PARPBP: variants seen among roughly 807,000 people sequenced by gnomAD.
The protein encoded by PARPBP is PCNA-interacting partner.
A neutral mutation model predicts 50.0 loss-of-function variants in PARPBP; 52 were observed. The observed-to-expected ratio is 1.04, with a 90% CI of 0.83 to 1.31. The LOEUF is 1.31. Ranked by LOEUF, PARPBP falls within the 50% of genes most tolerant of loss-of-function variation. The probability of loss-of-function intolerance (pLI) is 0.00; values close to 1 mark genes in which losing one functional copy is unlikely to be tolerated. For synonymous variants in PARPBP, 244 were observed against 232.1 expected, an observed-to-expected ratio of 1.05 and a Z score of -0.47; for missense variants, 697 against 672.0, an observed-to-expected ratio of 1.04 and a Z score of -0.41.
In PARPBP at chr12:102,148,338, T is replaced by C. The variant is rs759270887; in HGVS notation, c.262T>C (p.Tyr88His). The C allele has an allele frequency of 2.5e-6, 4 of 1,591,208 alleles. No homozygotes were observed. The highest frequency in any genetic ancestry group is 3.4e-6 in the Non-Finnish European group (4 of 1,159,584). Reference sequence around the variant, plus strand: ...TGAAAACATGGACGTGACTGACCATTATGAGGACGTTAGGAAGATTTATGA... The same window carrying C: ...TGAAAACATGGACGTGACTGACCATCATGAGGACGTTAGGAAGATTTATGA... ...PVENMDVTDH[Y>H]EDVRKIYDDF... Residue 88 changes from tyrosine (Y) to histidine (H), a missense_variant, in exon 3 of 11, where the codon TAT becomes CAT. Physicochemically the swap from Tyr to His is moderately conservative, Grantham distance 83 (BLOSUM62 2). Transcript: ENST00000327680.
chr12:102,138,763 G>A (rs1431104649), intron 2 of PARPBP, among the ~76,000 whole-genome samples: 4 of 152,142 alleles, frequency 2.6e-5, no homozygotes, highest in Admixed American at 1.3e-4. Context: ...CCGATTTCTT[G>A]TTTTTGTCAG....
intron 9 of PARPBP, among the ~76,000 whole-genome samples, chr12:102,190,043 T>G (rs1890654009): frequency 6.6e-6 from 1 of 152,178 alleles, no homozygotes. Context: ...CTTGTGTTCC[T>G]AGGGTGATGT....
intron 6 of PARPBP, among the ~76,000 whole-genome samples, chr12:102,171,735 G>A (rs1047988958): frequency 6.6e-6 from 1 of 151,938 alleles, no homozygotes; most frequent in East Asian, 1.9e-4. Context: ...GTGTGGTGGT[G>A]GCGGGCGCCT....
At chr12:102,148,856 T>C (rs1885795911) in intron 3 of PARPBP, 1 of 161,918 alleles carries the variant, frequency 6.2e-6, no homozygotes, top group African/African-American at 2.4e-5. Context: ...TTCTATGGAT[T>C]AATAATGTTA....
At chr12:102,157,170 T>C in intron 4 of PARPBP, among the ~76,000 whole-genome samples, 1 of 151,618 alleles carries the variant, frequency 6.6e-6, no homozygotes, top group East Asian at 1.9e-4. Flanking sequence ...ATGTCTCTTG[T>C]AATACTCTTG....
intron 9 of PARPBP, among the ~76,000 whole-genome samples, chr12:102,193,289 C>A (rs186034768): frequency 1.2e-4 from 18 of 151,896 alleles, no homozygotes; most frequent in Non-Finnish European, 2.9e-5. Context: ...TTGTGCTAAA[C>A]ATGAGATTGA....
At chr12:102,162,993 T>G (rs182295011) in intron 4 of PARPBP, among the ~76,000 whole-genome samples, 1 of 152,344 alleles carries the variant, frequency 6.6e-6, no homozygotes, top group East Asian at 1.9e-4. Flanking sequence ...TGTTGTACAT[T>G]TATAGACTTA....
At chr12:102,154,352 G>A (rs1417563494) in intron 4 of PARPBP, among the ~76,000 whole-genome samples, 1 of 152,152 alleles carries the variant, frequency 6.6e-6, no homozygotes, top group Non-Finnish European at 1.5e-5. Flanking sequence ...CCTTGCAGTA[G>A]TACAGCTCAT....
At chr12:102,149,405 G>C (rs78038530) in intron 3 of PARPBP, among the ~76,000 whole-genome samples, 3 of 152,100 alleles carry the variant, frequency 2.0e-5, no homozygotes, top group African/African-American at 7.2e-5. Flanking sequence ...CATTCTGCTC[G>C]CCCATTTTAG....
At chr12:102,181,197 C>T (rs553202751) in intron 8 of PARPBP, among the ~76,000 whole-genome samples, 25 of 152,290 alleles carry the variant, frequency 1.6e-4, no homozygotes, top group Non-Finnish European at 2.8e-4. Flanking sequence ...AATAAGTCAA[C>T]TTTCTATTCT....
chr12:102,129,460 T>C (rs978461587), intron 2 of PARPBP, among the ~76,000 whole-genome samples: 1 of 152,220 alleles, frequency 6.6e-6, no homozygotes, highest in Non-Finnish European at 1.5e-5. Flanking sequence ...TAGTTTGATA[T>C]AATCCCATTC....
intron 4 of PARPBP, among the ~76,000 whole-genome samples, chr12:102,157,501 G>A (rs1887086239): frequency 6.8e-6 from 1 of 146,252 alleles, no homozygotes; most frequent in Admixed American, 6.8e-5. Flanking sequence ...TATTTAACTT[G>A]TTTCTCTATT....
At position 102,167,126 on chromosome 12, in the gene PARPBP, A is replaced by G. The variant is rs374492496; in HGVS notation, c.821+1243A>G. 2.4e-4 allele frequency among the ~76,000 whole-genome samples: 36 copies of G among 152,256 alleles called. No homozygotes were observed. The South Asian group carries it at 7.3e-3, about 31-fold the overall frequency. ...CTCGTTAGGCCTGTGTCAGAGTGGC[A>G]ACCATGAACCTTCATCCTCACCTCG... On this transcript the variant is annotated intron_variant, in intron 6 of 10. Coordinates refer to ENST00000327680, the MANE Select transcript of PARPBP (RefSeq NM_017915.5).
At chr12:102,173,553 A>G (rs921523793) in intron 6 of PARPBP, among the ~76,000 whole-genome samples, 1 of 152,340 alleles carries the variant, frequency 6.6e-6, no homozygotes, top group East Asian at 1.9e-4. Flanking sequence ...GCCAATAAAC[A>G]AAATGCAATT....
At chr12:102,141,166 C>T (rs1884527307) in intron 2 of PARPBP, among the ~76,000 whole-genome samples, 1 of 152,098 alleles carries the variant, frequency 6.6e-6, no homozygotes, top group Non-Finnish European at 1.5e-5. Context: ...TCTGGGTGCT[C>T]CTGTATTGTG....
At chr12:102,138,379 T>TAAAAA (rs1225101815) in intron 2 of PARPBP, among the ~76,000 whole-genome samples, 3 of 152,338 alleles carry the variant, frequency 2.0e-5, no homozygotes, top group African/African-American at 7.2e-5. Flanking sequence ...AAATTTTTTT[T>TAAAAA]AAGTTCTTTG....
In PARPBP at chr12:102,158,896, T is replaced by C. The variant is rs1161745879; in HGVS notation, c.495+4920T>C. Among the ~76,000 whole-genome samples, 4 of 152,240 alleles carry C rather than the reference T, an allele frequency of 2.6e-5. No homozygotes were observed. The East Asian group carries it at 7.7e-4, about 29-fold the overall frequency. On this transcript the variant is annotated intron_variant, in intron 4 of 10. Transcript: ENST00000327680. ...TAAAGGAGTATCTGTGACTAAAGAT[T>C]ATAAGCATGTAGTTTCCTGATTTAA...
In PARPBP at chr12:102,184,046, G is replaced by GAAAAAAAAAAAAAAAA. The variant is rs71438459; in HGVS notation, c.1263+1424_1263+1439dup. Among the ~76,000 whole-genome samples, 24 of 59,938 alleles carry GAAAAAAAAAAAAAAAA rather than the reference G, an allele frequency of 4.0e-4. 1 individual carries two copies. Among genetic ancestry groups the GAAAAAAAAAAAAAAAA allele is most frequent in the African/African-American group, 1.4e-3 (20 of 13,938 alleles). The allele number at this position is 59,938 out of a possible 152,430, so 39.3% of individuals were successfully genotyped here. A position where few individuals can be genotyped will look rare whatever the true frequency, so the allele number is the denominator to read the frequency against. ...TGGGTGACAAAATGAGACTCTATCT[G>GAAAAAAAAAAAAAAAA]AAAAAAAAAAAAAAAAAAAAGAAAG... On this transcript the variant is annotated intron_variant, in intron 9 of 10. Coordinates refer to ENST00000327680, the MANE Select transcript of PARPBP (RefSeq NM_017915.5).
intron 6 of PARPBP, among the ~76,000 whole-genome samples, chr12:102,170,897 T>A (rs1888625897): frequency 6.7e-6 from 1 of 149,102 alleles, no homozygotes; most frequent in South Asian, 2.1e-4. Flanking sequence ...TTTCTCTGTT[T>A]AATTTTTCTT....
Sources: allele counts gnomAD v4.1 joint callset (sites outside exome capture counted in the v4.1 genomes callset), GRCh38; gene constraint gnomAD v4.1.1; transcripts MANE v1.5; gene names NCBI Gene and HGNC (gene_info 2026-07-23, HGNC 2026-07-21).